P2RY2: variants seen among roughly 807,000 people sequenced by gnomAD.
P2RY2 encodes P2Y purinoceptor 2.
For missense variants in P2RY2, 567 were observed against 515.7 expected (o/e 1.10, Z -0.96); for synonymous variants, 241 against 231.9 (o/e 1.04, Z -0.35).
intron 1 of P2RY2, among the ~76,000 whole-genome samples, chr11:73,224,973 C>A (rs1040334480): frequency 7.9e-5 from 12 of 152,212 alleles, no homozygotes; most frequent in African/African-American, 2.9e-4. Flanking sequence ...ACTTGTCTTA[C>A]CACTGGAAAG....
At chr11:73,229,772 A>G (rs1862393762) in intron 2 of P2RY2, among the ~76,000 whole-genome samples, 1 of 152,106 alleles carries the variant, frequency 6.6e-6, no homozygotes, top group South Asian at 2.1e-4. Flanking sequence ...CTCTTCATGC[A>G]GGGTGATGAG....
At chr11:73,225,656 C>T (rs1279665576) in intron 1 of P2RY2, among the ~76,000 whole-genome samples, 2 of 152,210 alleles carry the variant, frequency 1.3e-5, no homozygotes, top group African/African-American at 4.8e-5. Context: ...GTGGCTATGC[C>T]GTTTGCTAAT....
At chr11:73,222,088 T>G in intron 1 of P2RY2, among the ~76,000 whole-genome samples, 1 of 152,162 alleles carries the variant, frequency 6.6e-6, no homozygotes, top group East Asian at 1.9e-4. Flanking sequence ...GAACAACTCC[T>G]TGACCCTCTG....
At chr11:73,229,254 C>T (rs772807286) in intron 2 of P2RY2, among the ~76,000 whole-genome samples, 3 of 151,976 alleles carry the variant, frequency 2.0e-5, no homozygotes, top group Non-Finnish European at 4.4e-5. Context: ...TGGGTGGGTT[C>T]GGGGAAGGCT....
chr11:73,227,237 G>A (rs1346683202), intron 1 of P2RY2, among the ~76,000 whole-genome samples: 2 of 152,176 alleles, frequency 1.3e-5, no homozygotes, highest in African/African-American at 4.8e-5. Context: ...CTTCATCCAT[G>A]TCCCTGCAAA....
chr11:73,236,927 G>T lies in P2RY2; in HGVS notation c.*1634G>T. The T allele has an allele frequency of 1.0e-6, 1 of 985,262 alleles. No individual in the cohort carries two copies. Among genetic ancestry groups the T allele is most frequent in the Non-Finnish European group, 1.2e-6 (1 of 829,858 alleles). The allele number at this position is 985,262 out of a possible 1,614,324, so 61.0% of individuals were successfully genotyped here. On this transcript the variant is annotated 3_prime_UTR_variant, in exon 3 of 3. Coordinates refer to ENST00000393597, the MANE Select transcript of P2RY2 (RefSeq NM_002564.4). ...GAAAGGGACAGGGCAAAGCTGACAG[G>T]CCTCACTCTTGATCTCAAGGACAGG... is the stretch of plus-strand genomic sequence containing the variant.
chr11:73,218,472 G>C (rs942457349), intron 1 of P2RY2, 40 bp downstream of exon 1: 2 of 152,722 alleles, frequency 1.3e-5, no homozygotes, highest in Admixed American at 1.3e-4. Flanking sequence ...CGCTGGGAGA[G>C]GCCCGGGGAA....
intron 2 of P2RY2, among the ~76,000 whole-genome samples, chr11:73,230,119 G>A (rs981780523): frequency 1.3e-5 from 2 of 151,992 alleles, no homozygotes; most frequent in East Asian, 1.9e-4. Flanking sequence ...TCTCGCAAGG[G>A]GGCCTCTCCT....
chr11:73,235,563 G>A lies in P2RY2; in HGVS notation c.*270G>A. On this transcript the variant is annotated 3_prime_UTR_variant, in exon 3 of 3. Transcript: ENST00000393597. ...TCAAGGTCAATGACACCCCTGGCCT[G>A]ACTCCCATGCAAGTAGCTGGCTGTA... The A allele has an allele frequency of 8.5e-7, 1 of 1,181,504 alleles. No homozygotes were observed. The allele number at this position is 1,181,504 out of a possible 1,614,324, so 73.2% of individuals were successfully genotyped here. A position where few individuals can be genotyped will look rare whatever the true frequency, so the allele number is the denominator to read the frequency against.
Position 73,234,893 on chromosome 11 carries a change from G to T in P2RY2, c.734G>T (p.Arg245Leu). ...CCTAGGGCCAAGCGCAAGTCCGTGC[G>T]CACCATCGCCGTGGTGCTGGCTGTC... is the stretch of plus-strand genomic sequence containing the variant. ...GLPRAKRKSV[R>L]TIAVVLAVFA... is the part of the protein sequence containing the mutation. Residue 245 changes from arginine (R) to leucine (L), a missense_variant, in exon 3 of 3, where the codon CGC becomes CTC. Transcript: ENST00000393597. 2 of 1,610,700 alleles carry T rather than the reference G, an allele frequency of 1.2e-6. No individual in the cohort carries two copies. The highest frequency in any genetic ancestry group is 1.7e-6 in the Non-Finnish European group (2 of 1,179,956).
At chr11:73,234,093 G>C in intron 2 of P2RY2, 63 bp from the exon 3 acceptor site, 1 of 1,523,908 alleles carries the variant, frequency 6.6e-7, no homozygotes, top group Non-Finnish European at 8.8e-7. Flanking sequence ...AGGTGGCTGT[G>C]TCAGGTCCCC....
chr11:73,234,159 G>C lies in P2RY2; in HGVS notation c.-1G>C, dbSNP rs1180850554. 8 of 1,601,586 alleles carry C rather than the reference G, an allele frequency of 5.0e-6. No homozygotes were observed. In the East Asian group the frequency reaches 1.8e-4, roughly 36 times the overall value. ...CCCACCCCTCCCTTCCCTGCAGGGC[G>C]ATGGCAGCAGACCTGGGCCCCTGGA... On this transcript the variant is annotated 5_prime_UTR_variant, in exon 3 of 3. Coordinates refer to ENST00000393597, the MANE Select transcript of P2RY2 (RefSeq NM_002564.4).
At chr11:73,218,955 G>A (rs576639883) in intron 1 of P2RY2, among the ~76,000 whole-genome samples, 1 of 152,168 alleles carries the variant, frequency 6.6e-6, no homozygotes, top group East Asian at 1.9e-4. Context: ...GGAGGGAGTG[G>A]CCAGAAAGGA....
chr11:73,240,752 G>T lies in P2RY2; in HGVS notation c.*5459G>T, dbSNP rs907100040. On this transcript the variant is annotated 3_prime_UTR_variant, in exon 3 of 3. Transcript: ENST00000393597. ...TACAGTGGTGAGAGCTCACCACTGA[G>T]CTTCCTGGGATGGGCACCTGGGATA... 3 of 152,310 alleles carry T rather than the reference G, an allele frequency of 2.0e-5. No homozygotes were observed. The highest frequency in any genetic ancestry group is 2.9e-5 in the Non-Finnish European group (2 of 68,104). The allele number at this position is 152,310 out of a possible 1,614,324, so 9.4% of individuals were successfully genotyped here. A position where few individuals can be genotyped will look rare whatever the true frequency, so the allele number is the denominator to read the frequency against.
At chr11:73,231,168 G>C (rs531659435) in intron 2 of P2RY2, among the ~76,000 whole-genome samples, 48 of 152,248 alleles carry the variant, frequency 3.2e-4, no homozygotes, top group African/African-American at 1.1e-3. Flanking sequence ...CCATGGCAGG[G>C]GGAACAAGGG....
At position 73,235,433 on chromosome 11, in the gene P2RY2, G is replaced by A. The variant is rs1211304728; in HGVS notation, c.*140G>A. 2 of 1,435,904 alleles carry A rather than the reference G, an allele frequency of 1.4e-6. No homozygotes were observed. The highest frequency in any genetic ancestry group is 3.3e-5 in the South Asian group (2 of 60,312). 88.9% of individuals were successfully genotyped at this position (1,435,904 alleles called of 1,614,324 possible). A position where few individuals can be genotyped will look rare whatever the true frequency, so the allele number is the denominator to read the frequency against. The stretch of plus-strand genomic sequence containing the variant: ...CCCCATGCTCCGTCATTTGACAGGG[G>A]CTCAGGATATTCACTCTGTGGTCCA... On this transcript the variant is annotated 3_prime_UTR_variant, in exon 3 of 3. Transcript: ENST00000393597.
intron 2 of P2RY2, 28 bp downstream of exon 2, chr11:73,228,203 G>A (rs1862342969): frequency 7.3e-6 from 1 of 136,404 alleles, no homozygotes; most frequent in African/African-American, 2.6e-5. Context: ...GGGGGGGAGC[G>A]GGTACGCTGG....
At chr11:73,224,409 G>T (rs1242115544) in intron 1 of P2RY2, among the ~76,000 whole-genome samples, 1 of 152,172 alleles carries the variant, frequency 6.6e-6, no homozygotes, top group Non-Finnish European at 1.5e-5. Flanking sequence ...TGCAGGTCAG[G>T]CGCTCTCTCC....
chr11:73,236,883 G>A lies in P2RY2; in HGVS notation c.*1590G>A. On this transcript the variant is annotated 3_prime_UTR_variant, in exon 3 of 3. Coordinates refer to ENST00000393597, the MANE Select transcript of P2RY2 (RefSeq NM_002564.4). ...TGACGTGTGGCGCTCAGCTGGACAG[G>A]GCCCCGCCCTAGCCTTTGGAAAGGG... The A allele has an allele frequency of 1.0e-6, 1 of 985,080 alleles. No individual in the cohort carries two copies. The highest frequency in any genetic ancestry group is 1.2e-6 in the Non-Finnish European group (1 of 829,740). 61.0% of individuals were successfully genotyped at this position (985,080 alleles called of 1,614,324 possible).
Sources: allele counts gnomAD v4.1 joint callset (sites outside exome capture counted in the v4.1 genomes callset), GRCh38; gene constraint gnomAD v4.1.1; transcripts MANE v1.5; gene names NCBI Gene and HGNC (gene_info 2026-07-23, HGNC 2026-07-21).